The following NRXN3 variants were observed in gnomAD, a reference collection of about 807,000 sequenced individuals.
NRXN3 encodes the protein neurexin III.
In NRXN3, 32 loss-of-function variants were observed where a neutral mutation model predicts 137.6. The ratio of observed to expected loss-of-function variants is 0.23; its 90% CI spans 0.18 to 0.31. NRXN3 has a LOEUF of 0.31. Ranked by LOEUF, NRXN3 falls within the 10% of genes least tolerant of loss-of-function variation. The pLI, the probability that NRXN3 is intolerant of heterozygous loss-of-function variation, is 1.00. For missense variants in NRXN3, 1,574 were observed against 2,062.5 expected (o/e 0.76, Z 4.59); for synonymous variants, 798 against 784.5 (o/e 1.02, Z -0.29).
chr14:78,253,631 C>T (rs935551430), intron 2 of NRXN3, among the ~76,000 whole-genome samples: 5 of 152,008 alleles, frequency 3.3e-5, no homozygotes, highest in African/African-American at 1.2e-4. Flanking sequence ...GCTGAAATCA[C>T]ACCACTGTAC....
chr14:79,762,961 T>C lies in NRXN3; in HGVS notation c.4015-42151T>C, dbSNP rs573785266. ...GTATACACGTGCCATGGTAGTTTGC[T>C]GCACTCACCAACCTGTCATCTACAT... On this transcript the variant is annotated intron_variant, in intron 19 of 20. Coordinates refer to ENST00000335750, the MANE Select transcript of NRXN3 (RefSeq NM_001330195.2). Among the ~76,000 whole-genome samples, 5 of 151,740 alleles carry C rather than the reference T, an allele frequency of 3.3e-5. No homozygotes were observed. In the East Asian group the frequency reaches 7.7e-4, roughly 23 times the overall value.
chr14:78,839,726 A>T (rs577038058), intron 10 of NRXN3, among the ~76,000 whole-genome samples: 1 of 152,302 alleles, frequency 6.6e-6, no homozygotes, highest in African/African-American at 2.4e-5. Flanking sequence ...AGCCATGCTG[A>T]CCAACCTTGT....
At chr14:79,333,905 C>T (rs914709772) in intron 15 of NRXN3, among the ~76,000 whole-genome samples, 4 of 151,522 alleles carry the variant, frequency 2.6e-5, no homozygotes, top group African/African-American at 9.7e-5. Context: ...ATGTTGCCAT[C>T]TCTCTCTCTC....
intron 20 of NRXN3, among the ~76,000 whole-genome samples, chr14:79,811,581 C>CTTTTTTTTTTTTTTTT (rs370942970): frequency 1.7e-4 from 20 of 116,608 alleles, no homozygotes; most frequent in African/African-American, 2.9e-4. Context: ...TTTCTTTTTT[C>CTTTTTTTTTTTTTTTT]TTTTTTTTTT....
chr14:78,882,965 A>C (rs1367824815), intron 10 of NRXN3, among the ~76,000 whole-genome samples: 1 of 152,086 alleles, frequency 6.6e-6, no homozygotes, highest in East Asian at 1.9e-4. Flanking sequence ...TGCTGTTCTC[A>C]TGATAGTGAG....
At chr14:78,532,150 C>CAAAAAAAAAAAAAA (rs386381910) in intron 4 of NRXN3, among the ~76,000 whole-genome samples, 26 of 121,178 alleles carry the variant, frequency 2.1e-4, no homozygotes, top group Non-Finnish European at 3.0e-4. Context: ...ACTAAAAATA[C>CAAAAAAAAAAAAAA]AAAAAAAAAA....
intron 16 of NRXN3, among the ~76,000 whole-genome samples, chr14:79,615,237 A>G (rs1439307615): frequency 6.6e-6 from 1 of 152,210 alleles, no homozygotes; most frequent in Non-Finnish European, 1.5e-5. Flanking sequence ...AAAGAAATAA[A>G]TGTAATGCAC....
chr14:78,401,270 T>A (rs1169217233), intron 4 of NRXN3, among the ~76,000 whole-genome samples: 1 of 152,176 alleles, frequency 6.6e-6, no homozygotes, highest in East Asian at 1.9e-4. Context: ...GTTCAAGTGA[T>A]TCTCCTGCCT....
intron 4 of NRXN3, among the ~76,000 whole-genome samples, chr14:78,321,317 G>A (rs1308712867): frequency 2.0e-5 from 3 of 151,894 alleles, no homozygotes; most frequent in Admixed American, 2.0e-4. Flanking sequence ...AGGCCAGGAA[G>A]GGAGAAGTAA....
intron 16 of NRXN3, among the ~76,000 whole-genome samples, chr14:79,632,800 C>T (rs1433362119): frequency 6.6e-6 from 1 of 152,050 alleles, no homozygotes; most frequent in African/African-American, 2.4e-5. Flanking sequence ...ACCAATTTCT[C>T]AAGACTAAAC....
intron 20 of NRXN3, among the ~76,000 whole-genome samples, chr14:79,843,577 T>G (rs749728273): frequency 6.6e-6 from 1 of 152,172 alleles, no homozygotes; most frequent in Non-Finnish European, 1.5e-5. Flanking sequence ...GTACAACCTC[T>G]TTCAAAATTG....
chr14:78,765,316 G>T (rs1595646852), intron 8 of NRXN3, among the ~76,000 whole-genome samples: 1 of 152,014 alleles, frequency 6.6e-6, no homozygotes, highest in East Asian at 1.9e-4. Context: ...ACTACACCCG[G>T]CTAATGTTCT....
At chr14:78,722,429 T>C (rs2098464365) in intron 8 of NRXN3, among the ~76,000 whole-genome samples, 1 of 152,216 alleles carries the variant, frequency 6.6e-6, no homozygotes, top group Non-Finnish European at 1.5e-5. Flanking sequence ...TGCTGCTAAA[T>C]TATGAGAAAC....
rs547163993 is a variant in NRXN3 at position 79,697,825 on chromosome 14, G to A, written c.3902G>A (p.Gly1301Glu). The change falls in exon 19 of 21, where the codon GGA (glycine) becomes GAA (glutamate). Residue 1301 changes from glycine (G) to glutamate (E), a missense_variant. Physicochemically the swap from Gly to Glu is moderately conservative, Grantham distance 98 (BLOSUM62 -2). This residue lies in a region of NRXN3 where 320 missense variants were observed against 387.1 expected (regional missense o/e 0.83). Transcript: ENST00000335750. ...GTTGGAGAAGTCCCATCAATTTTGG[G>A]AACAACACAGACGACCTCCATGCCA... ...RLVGEVPSIL[G>E]TTQTTSMPPE... The A allele has an allele frequency of 2.5e-6, 4 of 1,613,178 alleles. No individual in the cohort carries two copies. The highest frequency in any genetic ancestry group is 1.1e-5 in the South Asian group (1 of 91,072).
chr14:79,754,487 ACT>A (rs1482592538), intron 19 of NRXN3, among the ~76,000 whole-genome samples: 1 of 112,998 alleles, frequency 8.8e-6, no homozygotes, highest in Non-Finnish European at 1.8e-5. Context: ...GGGAAGACTC[ACT>A]CTCACTCTCT....
chr14:78,218,827 G>T (rs1466960133), intron 1 of NRXN3, among the ~76,000 whole-genome samples: 2 of 152,168 alleles, frequency 1.3e-5, no homozygotes, highest in Non-Finnish European at 2.9e-5. Context: ...ATTGGTTTGA[G>T]GGCTGCCATA....
At chr14:79,567,780 A>G (rs1315341283) in intron 16 of NRXN3, among the ~76,000 whole-genome samples, 1 of 152,264 alleles carries the variant, frequency 6.6e-6, no homozygotes, top group Non-Finnish European at 1.5e-5. Flanking sequence ...GGGCTGGACT[A>G]TGCTTTGTCA....
chr14:79,269,533 G>A (rs747554586), intron 15 of NRXN3, among the ~76,000 whole-genome samples: 7 of 152,016 alleles, frequency 4.6e-5, no homozygotes, highest in Non-Finnish European at 1.0e-4. Flanking sequence ...TTTCTTACCG[G>A]CGACTGAGGA....
At chr14:79,704,273 C>T (rs994077986) in intron 19 of NRXN3, among the ~76,000 whole-genome samples, 24 of 152,136 alleles carry the variant, frequency 1.6e-4, no homozygotes, top group Non-Finnish European at 2.6e-4. Context: ...AATGGCACTT[C>T]GAGGCCCAGA....
Sources: allele counts gnomAD v4.1 joint callset (sites outside exome capture counted in the v4.1 genomes callset), GRCh38; gene constraint gnomAD v4.1.1; regional missense constraint gnomAD v4.1.1; transcripts MANE v1.5; gene names NCBI Gene and HGNC (gene_info 2026-07-23, HGNC 2026-07-21).